Variants in ARHGEF4 observed in about 807,000 individuals in gnomAD.
ARHGEF4 encodes APC-stimulated guanine nucleotide exchange factor 1.
In ARHGEF4, 119 loss-of-function variants were observed where a neutral mutation model predicts 162.0. That is an observed-to-expected ratio of 0.73 (90% confidence interval 0.63 to 0.86). ARHGEF4 has a LOEUF of 0.86. ARHGEF4 is among the 40% of genes least tolerant of loss of function. The pLI is 0.00. For missense variants in ARHGEF4, 2,488 were observed against 2,456.0 expected, an observed-to-expected ratio of 1.01 and a Z score of -0.28; for synonymous variants, 1,014 against 979.9, an observed-to-expected ratio of 1.03 and a Z score of -0.65.
intron 1 of ARHGEF4, among the ~76,000 whole-genome samples, chr2:130,911,124 G>A (rs1176899864): frequency 6.6e-6 from 1 of 152,184 alleles, no homozygotes; most frequent in African/African-American, 2.4e-5. Context: ...CAGGGAAGCG[G>A]TGAGGTCAGG....
chr2:130,902,134 T>C (rs1350102373), intron 1 of ARHGEF4, among the ~76,000 whole-genome samples: 2 of 152,190 alleles, frequency 1.3e-5, no homozygotes, highest in African/African-American at 4.8e-5. Context: ...TAAAAATCCT[T>C]TCAATGGCAT....
At chr2:130,865,426 A>G (rs1415250985) in intron 1 of ARHGEF4, among the ~76,000 whole-genome samples, 2 of 152,180 alleles carry the variant, frequency 1.3e-5, no homozygotes. Flanking sequence ...CGGTGCAGTT[A>G]TTGTTTCCAG....
intron 4 of ARHGEF4, among the ~76,000 whole-genome samples, chr2:131,001,352 C>T (rs553871687): frequency 6.3e-4 from 84 of 132,908 alleles, no homozygotes; most frequent in African/African-American, 2.3e-3. Flanking sequence ...AGATGGATAA[C>T]GGGAAGACGG....
At chr2:130,911,301 T>C (rs1439376273) in intron 1 of ARHGEF4, among the ~76,000 whole-genome samples, 1 of 152,138 alleles carries the variant, frequency 6.6e-6, no homozygotes, top group African/African-American at 2.4e-5. Flanking sequence ...AATAAGACAG[T>C]TGGGAAGTGC....
chr2:130,982,910 A>G (rs930319325), intron 4 of ARHGEF4, among the ~76,000 whole-genome samples: 38 of 152,176 alleles, frequency 2.5e-4, no homozygotes, highest in Admixed American at 1.3e-3. Flanking sequence ...ACTATTAACT[A>G]TAATTCTTAT....
chr2:131,028,792 C>G (rs1249441302), intron 5 of ARHGEF4, among the ~76,000 whole-genome samples: 1 of 152,196 alleles, frequency 6.6e-6, no homozygotes, highest in African/African-American at 2.4e-5. Context: ...CAAGCACATG[C>G]CCATAGCAAA....
chr2:131,028,040 T>C lies in ARHGEF4; in HGVS notation c.4081T>C (p.Tyr1361His). 6.2e-7 allele frequency: 1 copy of C among 1,614,038 alleles called. No individual in the cohort carries two copies. Among genetic ancestry groups the C allele is most frequent in the Non-Finnish European group, 8.5e-7 (1 of 1,179,998 alleles). Residue 1361 changes from tyrosine (Y) to histidine (H), a missense_variant, in exon 5 of 14, where the codon TAC becomes CAC. Tyr to His is a moderately conservative substitution (Grantham distance 83). Transcript: ENST00000409359. The part of the protein sequence containing the change: ...YDDLHSSSHH[Y>H]SHPGGGGEQL... ...TGACCTGCACAGCTCCAGCCACCACTACAGCCACCCTGGAGGGGGTGGGGA... is the reference window on the plus strand; with the variant it reads ...TGACCTGCACAGCTCCAGCCACCACCACAGCCACCCTGGAGGGGGTGGGGA...
At chr2:130,926,809 G>GGTTTTTTT (rs1559044315) in intron 2 of ARHGEF4, among the ~76,000 whole-genome samples, 1 of 13,826 alleles carries the variant, frequency 7.2e-5, no homozygotes, top group Non-Finnish European at 2.7e-4. Flanking sequence ...ACTTCTGGCT[G>GGTTTTTTT]ATTTTTTTTT....
intron 5 of ARHGEF4, among the ~76,000 whole-genome samples, chr2:131,029,797 G>A (rs1211758562): frequency 6.6e-6 from 1 of 152,026 alleles, no homozygotes; most frequent in Non-Finnish European, 1.5e-5. Context: ...CAGGTGATCT[G>A]CCCGCCTCAG....
Position 130,915,397 on chromosome 2 carries a change from A to G in ARHGEF4, c.1451A>G (p.Asp484Gly). 1 of 1,550,636 alleles carries G rather than the reference A, an allele frequency of 6.4e-7. No homozygotes were observed. Among genetic ancestry groups the G allele is most frequent in the Non-Finnish European group, 8.7e-7 (1 of 1,147,026 alleles). Reference protein sequence around the residue: ...QGTQLAPRAADERETQKHLWG... With the variant: ...QGTQLAPRAAGERETQKHLWG... The stretch of plus-strand genomic sequence containing the variant: ...ACCCAACTCGCACCAAGAGCTGCTG[A>G]TGAGAGAGAGACACAGAAGCACCTC... The change falls in exon 2 of 14, where the codon GAT (aspartate) becomes GGT (glycine). Residue 484 changes from aspartate to glycine, a missense_variant. This residue lies in a region of ARHGEF4 where 1,642 missense variants were observed against 1,481.5 expected (regional missense o/e 1.11). Coordinates refer to ENST00000409359, the MANE Select transcript of ARHGEF4 (RefSeq NM_001367493.1).
rs137899403 is a variant in ARHGEF4, at chr2:130,894,877, G to A, written c.40-19109G>A. The stretch of plus-strand genomic sequence containing the variant: ...ATGCCCTCCCCCATTAGTTTCTTTT[G>A]TGGCTCCTCTCCTGGTTATCTTATG... On this transcript the variant is annotated intron_variant, in intron 1 of 13. Transcript: ENST00000409359. Among the ~76,000 whole-genome samples the A allele has an allele frequency of 3.1e-3, 469 of 152,150 alleles. 1 individual carries two copies. The highest frequency in any genetic ancestry group is 5.0e-3 in the Non-Finnish European group (337 of 67,990).
At chr2:131,039,791 G>A in intron 6 of ARHGEF4, 2 of 1,399,742 alleles carry the variant, frequency 1.4e-6, no homozygotes, top group Non-Finnish European at 1.8e-6. Flanking sequence ...AGGCCAAATC[G>A]GTATTCGGAT....
At chr2:130,987,278 T>C (rs997429896) in intron 4 of ARHGEF4, among the ~76,000 whole-genome samples, 22 of 152,212 alleles carry the variant, frequency 1.4e-4, no homozygotes, top group African/African-American at 4.8e-4. Context: ...TGGACTTTGT[T>C]CAGCTTTCTC....
At chr2:131,019,526 T>C (rs1688960007) in intron 4 of ARHGEF4, among the ~76,000 whole-genome samples, 1 of 152,022 alleles carries the variant, frequency 6.6e-6, no homozygotes, top group Non-Finnish European at 1.5e-5. Context: ...ATGGGACGTC[T>C]TTCTTTGCTT....
intron 4 of ARHGEF4, among the ~76,000 whole-genome samples, chr2:131,020,347 A>T (rs1284627043): frequency 5.9e-5 from 4 of 67,846 alleles, no homozygotes; most frequent in African/African-American, 1.3e-4. Flanking sequence ...CCCTCCCCCC[A>T]CCCCACAACA....
At chr2:130,879,711 T>G (rs1385436294) in intron 1 of ARHGEF4, among the ~76,000 whole-genome samples, 2 of 152,270 alleles carry the variant, frequency 1.3e-5, no homozygotes, top group Non-Finnish European at 2.9e-5. Flanking sequence ...TGCTTTATTT[T>G]ACTTGCGTAA....
intron 1 of ARHGEF4, among the ~76,000 whole-genome samples, chr2:130,872,053 G>A (rs1255914328): frequency 6.6e-6 from 1 of 152,242 alleles, no homozygotes; most frequent in Non-Finnish European, 1.5e-5. Context: ...TCGCAGCACC[G>A]CAGCGCGGTT....
At chr2:130,898,463 C>T (rs2105008503) in intron 1 of ARHGEF4, among the ~76,000 whole-genome samples, 1 of 152,248 alleles carries the variant, frequency 6.6e-6, no homozygotes, top group African/African-American at 2.4e-5. Flanking sequence ...CAGGGCCTGG[C>T]ATGGAGCAGA....
At chr2:131,004,690 C>T (rs1256507793) in intron 4 of ARHGEF4, among the ~76,000 whole-genome samples, 1 of 151,990 alleles carries the variant, frequency 6.6e-6, no homozygotes, top group Admixed American at 6.6e-5. Context: ...GTCTCTGTCC[C>T]ACCCCGGCCT....
Sources: allele counts gnomAD v4.1 joint callset (sites outside exome capture counted in the v4.1 genomes callset), GRCh38; gene constraint gnomAD v4.1.1; regional missense constraint gnomAD v4.1.1; transcripts MANE v1.5; gene names NCBI Gene and HGNC (gene_info 2026-07-23, HGNC 2026-07-21).